The following OSMR variants were observed in gnomAD, a reference collection of about 807,000 sequenced individuals.
The protein encoded by OSMR is oncostatin M receptor.
A neutral mutation model predicts 99.9 loss-of-function variants in OSMR; 81 were observed. The observed-to-expected ratio is 0.81, with a 90% CI of 0.68 to 0.97. The LOEUF is 0.97. OSMR is among the 50% of genes least tolerant of loss of function. OSMR has a pLI of 0.00. For missense variants in OSMR, 1,099 were observed against 1,153.4 expected (o/e 0.95, Z 0.68); for synonymous variants, 406 against 410.4 (o/e 0.99, Z 0.13).
chr5:38,858,188 G>C (rs1741006090), intron 1 of OSMR, among the ~76,000 whole-genome samples: 1 of 152,108 alleles, frequency 6.6e-6, no homozygotes. Flanking sequence ...TAATCACCCT[G>C]TGGTGCTGTA....
chr5:38,931,810 T>G, intron 15 of OSMR, 73 bp from the exon 16 acceptor site: 1 of 1,577,386 alleles, frequency 6.3e-7, no homozygotes, highest in Non-Finnish European at 8.7e-7. Context: ...CTTTCAATCA[T>G]AAACTTGTAT....
In OSMR at chr5:38,917,520, A is replaced by T. The variant is rs1269416230; in HGVS notation, c.1286-26A>T. 2 of 1,611,074 alleles carry T rather than the reference A, an allele frequency of 1.2e-6. 1 individual carries two copies. Among genetic ancestry groups the T allele is most frequent in the South Asian group, 2.2e-5 (2 of 91,040 alleles). ...TTGCTTTACATACATATTGTGACTC[A>T]AGAACTTTTCTTTGGTTAATTTCAG... On this transcript the variant is annotated intron_variant, in intron 9 of 17. Transcript: ENST00000274276.
intron 3 of OSMR, among the ~76,000 whole-genome samples, chr5:38,881,022 G>A (rs997779093): frequency 6.6e-6 from 1 of 152,106 alleles, no homozygotes; most frequent in South Asian, 2.1e-4. Flanking sequence ...TGTGGCCACC[G>A]TATCTGAAAG....
chr5:38,916,405 G>A (rs553691698), intron 9 of OSMR, among the ~76,000 whole-genome samples: 1 of 152,090 alleles, frequency 6.6e-6, no homozygotes, highest in Non-Finnish European at 1.5e-5. Context: ...ACTTTCACCT[G>A]GGTGATTTGA....
intron 3 of OSMR, among the ~76,000 whole-genome samples, chr5:38,878,381 C>T (rs1184797346): frequency 1.3e-5 from 2 of 152,084 alleles, no homozygotes; most frequent in Admixed American, 6.5e-5. Flanking sequence ...CTCAATGTCT[C>T]GGACACCTCT....
chr5:38,862,904 G>C (rs1741581693), intron 1 of OSMR, among the ~76,000 whole-genome samples: 1 of 152,236 alleles, frequency 6.6e-6, no homozygotes, highest in African/African-American at 2.4e-5. Flanking sequence ...GACTCCGTCT[G>C]CAATCCCAGC....
chr5:38,897,552 G>C (rs998541392), intron 7 of OSMR, among the ~76,000 whole-genome samples: 1 of 151,538 alleles, frequency 6.6e-6, no homozygotes, highest in Non-Finnish European at 1.5e-5. Context: ...TCTTGGTCTG[G>C]CTAATGGTTT....
At chr5:38,927,485 C>T (rs1435177751) in intron 15 of OSMR, among the ~76,000 whole-genome samples, 1 of 152,216 alleles carries the variant, frequency 6.6e-6, no homozygotes, top group East Asian at 1.9e-4. Flanking sequence ...ATGGAAGCTG[C>T]CAAGGCTTGG....
chr5:38,925,320 G>C lies in OSMR; in HGVS notation c.2161G>C (p.Gly721Arg). 1 of 1,614,052 alleles carries C rather than the reference G, an allele frequency of 6.2e-7. No individual in the cohort carries two copies. The highest frequency in any genetic ancestry group is 8.5e-7 in the Non-Finnish European group (1 of 1,179,984). The change falls in exon 15 of 18, where the codon GGT (glycine) becomes CGT (arginine). Residue 721 changes from glycine (G) to arginine (R), a missense_variant. Gly to Arg is a moderately radical substitution (Grantham distance 125). Coordinates refer to ENST00000274276, the MANE Select transcript of OSMR (RefSeq NM_003999.3). ...EFFITPFTSA[G>R]EGPSATFTKV... is the part of the protein sequence containing the mutation. ...TTTCATCACTCCATTCACTAGTGCT[G>C]GTGAAGGCCCCAGTGCTACGTTCAC...
intron 2 of OSMR, among the ~76,000 whole-genome samples, chr5:38,875,039 A>G (rs1742704306): frequency 6.6e-6 from 1 of 152,242 alleles, no homozygotes; most frequent in Non-Finnish European, 1.5e-5. Context: ...TCAAAATGAG[A>G]TAATCTCTTA....
At chr5:38,929,878 C>G (rs995669554) in intron 15 of OSMR, among the ~76,000 whole-genome samples, 1 of 152,200 alleles carries the variant, frequency 6.6e-6, no homozygotes, top group Non-Finnish European at 1.5e-5. Flanking sequence ...CAGATAGGTA[C>G]AGTAAAAGTT....
chr5:38,920,803 C>G (rs1746193865), intron 11 of OSMR, among the ~76,000 whole-genome samples: 1 of 152,178 alleles, frequency 6.6e-6, no homozygotes, highest in Admixed American at 6.5e-5. Flanking sequence ...AGGTATATCC[C>G]TGTTGGAACT....
intron 1 of OSMR, among the ~76,000 whole-genome samples, chr5:38,865,657 T>A (rs1475834460): frequency 1.3e-5 from 2 of 152,208 alleles, no homozygotes; most frequent in Admixed American, 1.3e-4. Flanking sequence ...ACTGTGTCAG[T>A]CCTTGGGCCC....
chr5:38,921,916 C>T (rs374250944), intron 12 of OSMR, 122 bp downstream of exon 12: 11 of 809,752 alleles, frequency 1.4e-5, no homozygotes, highest in South Asian at 1.1e-4. Context: ...AACGACAAAT[C>T]CAGCATGGGT....
intron 1 of OSMR, among the ~76,000 whole-genome samples, chr5:38,865,560 G>C (rs1486227304): frequency 1.3e-5 from 2 of 152,266 alleles, no homozygotes; most frequent in African/African-American, 4.8e-5. Context: ...GCTGTTGTTA[G>C]TGGAAGCTGT....
chr5:38,878,815 AG>A (rs1743033881), intron 3 of OSMR, among the ~76,000 whole-genome samples: 1 of 152,250 alleles, frequency 6.6e-6, no homozygotes, highest in Non-Finnish European at 1.5e-5. Context: ...CTACATTAAC[AG>A]GGCTGTAAAG....
At chr5:38,868,963 T>A in intron 1 of OSMR, 69 bp from the exon 2 acceptor site, 1 of 1,566,202 alleles carries the variant, frequency 6.4e-7, no homozygotes. Context: ...CTACCACAAT[T>A]GGCTCGAAGA....
intron 15 of OSMR, among the ~76,000 whole-genome samples, chr5:38,926,627 T>C (rs1561411457): frequency 6.6e-6 from 1 of 152,106 alleles, no homozygotes; most frequent in Non-Finnish European, 1.5e-5. Flanking sequence ...TTCAATTACA[T>C]CCCACGGGGT....
rs1030399724 is a variant in OSMR, at chr5:38,944,638, T to C, written c.*87-308T>C. 3.7e-6 allele frequency: 5 copies of C among 1,369,664 alleles called. No homozygotes were observed. In the African/African-American group the frequency reaches 7.3e-5, roughly 20 times the overall value. 84.8% of individuals were successfully genotyped at this position (1,369,664 alleles called of 1,614,324 possible). On this transcript the variant is annotated intron_variant and NMD_transcript_variant, in intron 2 of 2. Transcript: ENST00000508882. ...ATAAAATGATTAAAACTCATGAAAT[T>C]TATTTTTAAACTTCACCTAAAGACC...
Sources: allele counts gnomAD v4.1 joint callset (sites outside exome capture counted in the v4.1 genomes callset), GRCh38; gene constraint gnomAD v4.1.1; transcripts MANE v1.5; gene names NCBI Gene and HGNC (gene_info 2026-07-23, HGNC 2026-07-21).